The following ASXL2 variants were observed in gnomAD, a reference collection of about 807,000 sequenced individuals.
ASXL2 encodes the protein ASXL transcriptional regulator 2.
ASXL2 carries 23 observed loss-of-function variants against 122.0 expected under a neutral mutation model. That is an observed-to-expected ratio of 0.19 (90% CI 0.14 to 0.27). The LOEUF (loss-of-function observed/expected upper bound fraction) is 0.27, where lower values mean the gene tolerates loss of function less well. Ranked by LOEUF, ASXL2 falls within the 10% of genes least tolerant of loss-of-function variation. The pLI is 1.00. For synonymous variants in ASXL2, 650 were observed against 637.0 expected, an observed-to-expected ratio of 1.02 and a Z score of -0.31; for missense variants, 1,518 against 1,713.8, an observed-to-expected ratio of 0.89 and a Z score of 2.02.
chr2:25,770,538 T>C (rs913616464), intron 6 of ASXL2, among the ~76,000 whole-genome samples: 4 of 151,618 alleles, frequency 2.6e-5, no homozygotes, highest in Non-Finnish European at 4.4e-5. Flanking sequence ...TTGAATCACT[T>C]GAGGTCAGCA....
chr2:25,787,920 A>T (rs1407548584), intron 5 of ASXL2, among the ~76,000 whole-genome samples: 3 of 152,224 alleles, frequency 2.0e-5, no homozygotes, highest in African/African-American at 7.2e-5. Context: ...AGAAAAGCCA[A>T]GAAAATATTA....
chr2:25,828,848 AC>A (rs2089413578), intron 3 of ASXL2, among the ~76,000 whole-genome samples: 3 of 150,186 alleles, frequency 2.0e-5, no homozygotes, highest in Admixed American at 6.7e-5. Context: ...AAAAAAAAAA[AC>A]AACAACCTTG....
chr2:25,739,691 T>TA lies in ASXL2; in HGVS notation c.*2337dup. 1 of 204,068 alleles carries TA rather than the reference T, an allele frequency of 4.9e-6. No individual in the cohort carries two copies. Among genetic ancestry groups the TA allele is most frequent in the Non-Finnish European group, 1.0e-5 (1 of 99,702 alleles). 12.6% of individuals were successfully genotyped at this position (204,068 alleles called of 1,614,324 possible). A position where few individuals can be genotyped will look rare whatever the true frequency, so the allele number is the denominator to read the frequency against. ...ATATGGTTTGCTCTCTAAACGGACT[T>TA]AAAAATCCCTGATACCTTTCCTCCT... On this transcript the variant is annotated 3_prime_UTR_variant, in exon 13 of 13. Transcript: ENST00000435504.
chr2:25,837,133 G>A (rs2089521427), intron 2 of ASXL2, among the ~76,000 whole-genome samples: 1 of 151,590 alleles, frequency 6.6e-6, no homozygotes, highest in African/African-American at 2.4e-5. Context: ...ACTTCAGAAG[G>A]AAGGCATTAA....
At chr2:25,757,487 AAAAG>A (rs1020953501) in intron 9 of ASXL2, among the ~76,000 whole-genome samples, 1 of 149,730 alleles carries the variant, frequency 6.7e-6, no homozygotes, top group African/African-American at 2.5e-5. Flanking sequence ...AAAAAAAAAA[AAAAG>A]AAAGAAAAAG....
At chr2:25,789,126 A>C (rs900700693) in intron 5 of ASXL2, among the ~76,000 whole-genome samples, 25 of 152,114 alleles carry the variant, frequency 1.6e-4, no homozygotes, top group Admixed American at 1.6e-3. Context: ...TTGAATCTAT[A>C]GATCCATTTT....
Position 25,743,769 on chromosome 2 carries a change from C to T in ASXL2, c.2568G>A (p.Glu856=). The change falls in exon 13 of 13, where the codon GAG becomes GAA. Residue 856 remains glutamate (E), a synonymous_variant. Coordinates refer to ENST00000435504, the MANE Select transcript of ASXL2 (RefSeq NM_018263.6). The part of the protein sequence containing the change: ...PVHCAADGTV[E]LKAGPSKNIP... ...TATTCTTACTAGGACCTGCTTTGAG[C>T]TCAACTGTGCCATCAGCTGCACAAT... The T allele has an allele frequency of 6.2e-7, 1 of 1,614,022 alleles. No individual in the cohort carries two copies. The highest frequency in any genetic ancestry group is 8.5e-7 in the Non-Finnish European group (1 of 1,179,904).
At chr2:25,800,514 A>C (rs913065394) in intron 4 of ASXL2, among the ~76,000 whole-genome samples, 2 of 152,212 alleles carry the variant, frequency 1.3e-5, no homozygotes, top group Admixed American at 1.3e-4. Flanking sequence ...CCTGACAGAA[A>C]AAAAGAAAAA....
At chr2:25,803,141 G>GAATA (rs1355670912) in intron 4 of ASXL2, among the ~76,000 whole-genome samples, 2 of 142,428 alleles carry the variant, frequency 1.4e-5, no homozygotes, top group African/African-American at 6.0e-5. Context: ...CAAAATGAAT[G>GAATA]AATGAATGAA....
intron 1 of ASXL2, among the ~76,000 whole-genome samples, chr2:25,876,843 T>C (rs1053009188): frequency 2.0e-5 from 3 of 152,152 alleles, no homozygotes; most frequent in South Asian, 2.1e-4. Flanking sequence ...GAGATACAAA[T>C]TGAAAACTCA....
chr2:25,833,911 C>G (rs558843613), intron 3 of ASXL2, among the ~76,000 whole-genome samples: 1 of 152,276 alleles, frequency 6.6e-6, no homozygotes, highest in South Asian at 2.1e-4. Context: ...TTCTATCTAC[C>G]TGATCTCTGA....
chr2:25,745,897 C>T (rs1179613907), intron 12 of ASXL2, among the ~76,000 whole-genome samples: 3 of 151,986 alleles, frequency 2.0e-5, no homozygotes, highest in African/African-American at 4.8e-5. Context: ...CCACCCACCT[C>T]GGCCTCCCAA....
chr2:25,793,320 C>T (rs1354374910), intron 5 of ASXL2, among the ~76,000 whole-genome samples: 2 of 152,068 alleles, frequency 1.3e-5, no homozygotes, highest in Admixed American at 1.3e-4. Flanking sequence ...AGTAGCTTCT[C>T]GTTGCTGGAT....
intron 11 of ASXL2, among the ~76,000 whole-genome samples, chr2:25,752,853 GAAA>G (rs70950118): frequency 1.8e-4 from 20 of 113,418 alleles, no homozygotes; most frequent in Admixed American, 2.8e-4. Context: ...CTCAAAAAAA[GAAA>G]AAAAAAAAAA....
At chr2:25,781,258 G>A (rs1182357367) in intron 5 of ASXL2, among the ~76,000 whole-genome samples, 1 of 151,978 alleles carries the variant, frequency 6.6e-6, no homozygotes, top group Non-Finnish European at 1.5e-5. Context: ...GCTTGGCCAG[G>A]CACGGTGGCT....
intron 4 of ASXL2, among the ~76,000 whole-genome samples, chr2:25,801,620 T>C (rs2089000100): frequency 6.6e-6 from 1 of 152,146 alleles, no homozygotes; most frequent in South Asian, 2.1e-4. Flanking sequence ...TAAATATAAT[T>C]ATCTTCTTTT....
intron 2 of ASXL2, among the ~76,000 whole-genome samples, chr2:25,844,338 T>C (rs1002753792): frequency 1.3e-5 from 2 of 152,112 alleles, no homozygotes; most frequent in African/African-American, 4.8e-5. Context: ...TCTAGCACTT[T>C]GGGAGGACAA....
In ASXL2 at chr2:25,738,296, T is replaced by G. The variant is rs1181864366; in HGVS notation, c.*3733A>C. On this transcript the variant is annotated 3_prime_UTR_variant, in exon 13 of 13. Coordinates refer to ENST00000435504, the MANE Select transcript of ASXL2 (RefSeq NM_018263.6). The stretch of plus-strand genomic sequence containing the variant: ...AGTAACCAAGAATCTACGAAGCTAT[T>G]GCTTCAACTTTAGGAAATGTTTTAC... The G allele has an allele frequency of 2.0e-5, 3 of 152,222 alleles. No individual in the cohort carries two copies. The highest frequency in any genetic ancestry group is 7.2e-5 in the African/African-American group (3 of 41,454). The allele number at this position is 152,222 out of a possible 1,614,324, so 9.4% of individuals were successfully genotyped here.
intron 4 of ASXL2, among the ~76,000 whole-genome samples, chr2:25,802,643 G>A (rs2089017827): frequency 6.6e-6 from 1 of 152,146 alleles, no homozygotes; most frequent in Admixed American, 6.6e-5. Flanking sequence ...CTACTGCATA[G>A]TCTCAGGATG....
Sources: gnomAD v4.1 joint callset for allele counts (sites outside exome capture counted in the v4.1 genomes callset) on GRCh38, gnomAD v4.1.1 for gene constraint, MANE v1.5 for transcripts, NCBI Gene and HGNC (gene_info 2026-07-23, HGNC 2026-07-21) for gene names.